The following PCTP variants were observed in gnomAD, a reference collection of about 807,000 sequenced individuals.
PCTP encodes phosphatidylcholine transfer protein.
Under a neutral mutation model 31.0 loss-of-function variants are expected in PCTP, and 27 were observed. That is an observed-to-expected ratio of 0.87 (90% CI 0.64 to 1.20). PCTP has a LOEUF of 1.20. PCTP is among the 50% of genes most tolerant of loss of function. PCTP has a pLI of 0.00. For missense variants in PCTP, 287 were observed against 268.2 expected, an observed-to-expected ratio of 1.07 and a Z score of -0.49; for synonymous variants, 108 against 101.2, an observed-to-expected ratio of 1.07 and a Z score of -0.40.
At chr17:55,775,290 T>A (rs1911267638) in intron 5 of PCTP, 24 of 1,235,962 alleles carry the variant, frequency 1.9e-5, no homozygotes, top group Non-Finnish European at 2.3e-5. Flanking sequence ...GCCCTTTTTT[T>A]TTTTTCTTTT....
At chr17:55,803,955 A>C (rs1162105615) in intron 3 of PCTP, among the ~76,000 whole-genome samples, 1 of 152,028 alleles carries the variant, frequency 6.6e-6, no homozygotes, top group East Asian at 1.9e-4. Flanking sequence ...AAATTTTTGC[A>C]ATCTACCCAT....
chr17:55,769,703 A>C (rs1007304621), intron 2 of PCTP: 1 of 152,300 alleles, frequency 6.6e-6, no homozygotes, highest in Admixed American at 6.5e-5. Flanking sequence ...TTTGCTCTCA[A>C]CTTGCTAGAG....
chr17:55,821,752 T>G (rs934503026), intron 3 of PCTP, among the ~76,000 whole-genome samples: 1 of 152,210 alleles, frequency 6.6e-6, no homozygotes. Flanking sequence ...GGATTTTAAC[T>G]CATTTTTGTC....
At chr17:55,798,140 C>A (rs184373407) in intron 3 of PCTP, among the ~76,000 whole-genome samples, 42 of 151,924 alleles carry the variant, frequency 2.8e-4, no homozygotes, top group African/African-American at 8.0e-4. Context: ...GTGAGACTTA[C>A]TGAATGTAAA....
intron 1 of PCTP, among the ~76,000 whole-genome samples, chr17:55,752,228 G>T (rs531052620): frequency 6.6e-6 from 1 of 152,268 alleles, no homozygotes; most frequent in East Asian, 1.9e-4. Flanking sequence ...CAAATATAGT[G>T]TTTTTATATT....
At chr17:55,751,787 T>A (rs1909731881) in intron 1 of PCTP, among the ~76,000 whole-genome samples, 1 of 152,170 alleles carries the variant, frequency 6.6e-6, no homozygotes, top group African/African-American at 2.4e-5. Context: ...CTTAATAAGT[T>A]GAGTCCGAAT....
At chr17:55,814,419 T>A (rs1256031347) in intron 3 of PCTP, among the ~76,000 whole-genome samples, 1 of 152,252 alleles carries the variant, frequency 6.6e-6, no homozygotes, top group Non-Finnish European at 1.5e-5. Context: ...CAAACAGCTC[T>A]GCCCTCCGGA....
At chr17:55,787,126 G>C (rs952509842) in intron 2 of PCTP, among the ~76,000 whole-genome samples, 1 of 151,336 alleles carries the variant, frequency 6.6e-6, no homozygotes, top group Non-Finnish European at 1.5e-5. Flanking sequence ...TCCGAACATC[G>C]ATCGTCTTCA....
At chr17:55,834,156 T>C (rs919176461) in intron 5 of PCTP, among the ~76,000 whole-genome samples, 10 of 152,136 alleles carry the variant, frequency 6.6e-5, no homozygotes, top group African/African-American at 2.4e-4. Context: ...TCTACTCTGC[T>C]TTTGGAGTCA....
downstream of PCTP, among the ~76,000 whole-genome samples, chr17:55,823,264 T>G (rs1213200627): frequency 6.6e-6 from 1 of 152,210 alleles, no homozygotes; most frequent in Non-Finnish European, 1.5e-5. Flanking sequence ...TTACAAATAT[T>G]TATTCTATTT....
downstream of PCTP, among the ~76,000 whole-genome samples, chr17:55,847,593 TGTGA>T (rs1906174713): frequency 6.6e-6 from 1 of 152,218 alleles, no homozygotes; most frequent in African/African-American, 2.4e-5. Context: ...CATGTGGAAC[TGTGA>T]GTCAGTTAAA....
downstream of PCTP, among the ~76,000 whole-genome samples, chr17:55,825,883 A>G (rs147860144): frequency 9.1e-3 from 1,378 of 152,216 alleles, 10 homozygotes; most frequent in Non-Finnish European, 0.013. Flanking sequence ...CCTCATTTTC[A>G]CTGCACTCAT....
At chr17:55,831,225 C>T in intron 5 of PCTP, among the ~76,000 whole-genome samples, 1 of 152,230 alleles carries the variant, frequency 6.6e-6, no homozygotes, top group East Asian at 1.9e-4. Flanking sequence ...CTCCCAGTCT[C>T]AGCTGCTCTC....
intron 5 of PCTP, among the ~76,000 whole-genome samples, chr17:55,828,108 T>C (rs2083568842): frequency 6.6e-6 from 1 of 152,186 alleles, no homozygotes; most frequent in Admixed American, 6.5e-5. Flanking sequence ...ATTGGTATGC[T>C]AAACCCTTCT....
chr17:55,790,826 A>G (rs1205764376), intron 3 of PCTP, among the ~76,000 whole-genome samples: 1 of 149,900 alleles, frequency 6.7e-6, no homozygotes, highest in Non-Finnish European at 1.5e-5. Flanking sequence ...TATGGAACCA[A>G]AAAAGGGCCC....
At chr17:55,840,089 G>A (rs1905925373) in intron 5 of PCTP, among the ~76,000 whole-genome samples, 1 of 152,064 alleles carries the variant, frequency 6.6e-6, no homozygotes, top group South Asian at 2.1e-4. Context: ...AGTCACCGTT[G>A]CCCAAAGTGG....
At chr17:55,769,026 G>A (rs953199721) in intron 2 of PCTP, 2 of 152,272 alleles carry the variant, frequency 1.3e-5, no homozygotes, top group Admixed American at 1.3e-4. Flanking sequence ...GAGGACAGCT[G>A]CAACAGGGAA....
At chr17:55,753,587 T>G (rs1457931463) in intron 1 of PCTP, among the ~76,000 whole-genome samples, 1 of 152,188 alleles carries the variant, frequency 6.6e-6, no homozygotes, top group Non-Finnish European at 1.5e-5. Context: ...TCCAGTCCTG[T>G]GTCTTCAACA....
intron 3 of PCTP, among the ~76,000 whole-genome samples, chr17:55,805,593 TATATATACATATATATACACACAC>T (rs1487253153): frequency 6.6e-6 from 1 of 151,896 alleles, no homozygotes; most frequent in Non-Finnish European, 1.5e-5. Flanking sequence ...CATATATGTA[TATATATACATATATATACACACAC>T]ATATATATGA....
Sources: allele counts gnomAD v4.1 joint callset (sites outside exome capture counted in the v4.1 genomes callset), GRCh38; gene constraint gnomAD v4.1.1; transcripts MANE v1.5; gene names NCBI Gene and HGNC (gene_info 2026-07-23, HGNC 2026-07-21).